The following PCLO variants were observed in gnomAD, a reference collection of about 807,000 sequenced individuals.
PCLO encodes the protein piccolo presynaptic cytomatrix protein, also known as protein piccolo.
PCLO carries 82 observed loss-of-function variants against 427.5 expected under a neutral mutation model. That is an observed-to-expected ratio of 0.19 (90% CI 0.16 to 0.23). The LOEUF (loss-of-function observed/expected upper bound fraction) is 0.23. PCLO is among the 10% of genes least tolerant of loss of function. PCLO has a pLI of 1.00. For missense variants in PCLO, 6,239 were observed against 6,115.9 expected (o/e 1.02, Z -0.67); for synonymous variants, 2,357 against 2,155.4 (o/e 1.09, Z -2.59).
At chr7:82,902,792 G>T in intron 8 of PCLO, 51 bp from the exon 9 acceptor site, 1 of 860,838 alleles carries the variant, frequency 1.2e-6, no homozygotes, top group Non-Finnish European at 2.0e-6. Flanking sequence ...GACACTTAAA[G>T]TGCAATATAC....
intron 3 of PCLO, among the ~76,000 whole-genome samples, chr7:83,050,208 G>GAAAAAAAAAAAAAAAAAAAAAAAAA (rs556193471): frequency 3.7e-4 from 2 of 5,456 alleles, no homozygotes; most frequent in Non-Finnish European, 7.2e-4. Context: ...CTGAAAAACT[G>GAAAAAAAAAAAAAAAAAAAAAAAAA]AAAAAAAAAA....
At position 82,951,942 on chromosome 7, in the gene PCLO, T is replaced by G. The variant is rs775930899; in HGVS notation, c.9011A>C (p.His3004Pro). Residue 3004 changes from histidine to proline, a missense_variant, in exon 5 of 25, where the codon CAT becomes CCT. Physicochemically the swap from His to Pro is moderately conservative, Grantham distance 77. This residue lies in a region of PCLO where 4,677 missense variants were observed against 4,468.4 expected (regional missense o/e 1.05). Coordinates refer to ENST00000333891, the MANE Select transcript of PCLO (RefSeq NM_033026.6). ...AGCATTCTTACTTTTATAGAAAAAA[T>G]GTCCAGCTTCTGCTAAATTTGTGTC... ...MSDTNLAEAG[H>P]FFYKSKNAFD... 3.1e-6 allele frequency: 5 copies of G among 1,613,894 alleles called. No homozygotes were observed. In the East Asian group the frequency reaches 1.1e-4, roughly 36 times the overall value.
chr7:82,939,960 C>T lies in PCLO; in HGVS notation c.11112+9516G>A, dbSNP rs115847188. Among the ~76,000 whole-genome samples the T allele has an allele frequency of 9.4e-3, 1,422 of 151,966 alleles. 19 individuals carry two copies. Among genetic ancestry groups the T allele is most frequent in the African/African-American group, 0.032 (1,329 of 41,482 alleles). ...ATGGTAAATTAAATTAAATCAAGGA[C>T]AAGAAATACTTTATGCAGTCCTCTA... On this transcript the variant is annotated intron_variant, in intron 6 of 24. Coordinates refer to ENST00000333891, the MANE Select transcript of PCLO (RefSeq NM_033026.6).
At chr7:83,145,929 C>T (rs1057106928) in intron 2 of PCLO, among the ~76,000 whole-genome samples, 1 of 152,212 alleles carries the variant, frequency 6.6e-6, no homozygotes, top group East Asian at 1.9e-4. Flanking sequence ...TCCAAAGCAC[C>T]ATCTTATGAT....
intron 3 of PCLO, among the ~76,000 whole-genome samples, chr7:83,042,755 G>A (rs1789002988): frequency 6.6e-6 from 1 of 152,044 alleles, no homozygotes; most frequent in Non-Finnish European, 1.5e-5. Flanking sequence ...CCAACTACTC[G>A]GGAGGCTGAG....
chr7:82,779,078 T>G (rs1790815422), intron 22 of PCLO, among the ~76,000 whole-genome samples: 1 of 152,168 alleles, frequency 6.6e-6, no homozygotes, highest in African/African-American at 2.4e-5. Flanking sequence ...TGACATACTG[T>G]ATTCACGTCT....
intron 3 of PCLO, among the ~76,000 whole-genome samples, chr7:83,101,094 T>G (rs1362204567): frequency 6.6e-6 from 1 of 151,966 alleles, no homozygotes; most frequent in African/African-American, 2.4e-5. Flanking sequence ...TGATTAACAA[T>G]AGATTTTTCC....
intron 24 of PCLO, among the ~76,000 whole-genome samples, chr7:82,759,704 A>G (rs891471836): frequency 1.3e-5 from 2 of 151,940 alleles, no homozygotes; most frequent in Non-Finnish European, 2.9e-5. Flanking sequence ...TCAAACCTTT[A>G]ATTTCCTGTA....
Position 82,956,083 on chromosome 7 carries a change from C to G in PCLO, c.4870G>C (p.Gly1624Arg). 1 of 1,611,740 alleles carries G rather than the reference C, an allele frequency of 6.2e-7. No homozygotes were observed. The highest frequency in any genetic ancestry group is 1.1e-5 in the South Asian group (1 of 91,084). ...KSSTSIDEDA[G>R]RRHSWHDEDD... ...TCATCATGCCATGAGTGACGTCTTCCTGCATCTTCATCAATGCTTGTGCTA... is the reference window on the plus strand; with the variant it reads ...TCATCATGCCATGAGTGACGTCTTCGTGCATCTTCATCAATGCTTGTGCTA... The change falls in exon 5 of 25, where the codon GGA becomes CGA. Residue 1624 changes from glycine to arginine, a missense_variant. Coordinates refer to ENST00000333891, the MANE Select transcript of PCLO (RefSeq NM_033026.6).
intron 9 of PCLO, among the ~76,000 whole-genome samples, chr7:82,890,253 G>T (rs1330174030): frequency 6.6e-6 from 1 of 151,742 alleles, no homozygotes; most frequent in Non-Finnish European, 1.5e-5. Flanking sequence ...ATATTCCATT[G>T]GTAAAATTAT....
At chr7:83,027,195 T>G (rs76430732) in intron 3 of PCLO, among the ~76,000 whole-genome samples, 1 of 137,204 alleles carries the variant, frequency 7.3e-6, no homozygotes, top group Non-Finnish European at 1.6e-5. Flanking sequence ...TCAACAAAAT[T>G]GATAGACTGC....
At chr7:83,019,887 CAA>C (rs1788299799) in intron 3 of PCLO, among the ~76,000 whole-genome samples, 2 of 151,970 alleles carry the variant, frequency 1.3e-5, no homozygotes, top group African/African-American at 4.8e-5. Flanking sequence ...TGTCTTATTT[CAA>C]AAGAGGCAGA....
chr7:83,075,487 G>A (rs2116373441), intron 3 of PCLO, among the ~76,000 whole-genome samples: 1 of 152,222 alleles, frequency 6.6e-6, no homozygotes, highest in South Asian at 2.1e-4. Flanking sequence ...CAAAATGACT[G>A]CAGTAAAGAT....
intron 4 of PCLO, among the ~76,000 whole-genome samples, chr7:82,960,365 A>G (rs1302215311): frequency 1.3e-5 from 2 of 152,172 alleles, no homozygotes; most frequent in Non-Finnish European, 2.9e-5. Flanking sequence ...CCTCCTCACT[A>G]CAGAAAACAT....
chr7:83,137,724 C>T lies in PCLO; in HGVS notation c.1894-2068G>A, dbSNP rs183060999. 7.1e-3 allele frequency among the ~76,000 whole-genome samples: 1,083 copies of T among 152,284 alleles called. 7 individuals carry two copies. Among genetic ancestry groups the T allele is most frequent in the South Asian group, 0.014 (67 of 4,826 alleles). On this transcript the variant is annotated intron_variant, in intron 2 of 24. Coordinates refer to ENST00000333891, the MANE Select transcript of PCLO (RefSeq NM_033026.6). Reference sequence around the variant, plus strand: ...GGGATTACACAGGCATGAGCCACCACGCCCGGCCATGGATATTCATTATAT... The same window carrying T: ...GGGATTACACAGGCATGAGCCACCATGCCCGGCCATGGATATTCATTATAT...
chr7:83,029,875 A>G (rs13223099), intron 3 of PCLO, among the ~76,000 whole-genome samples: 1 of 147,410 alleles, frequency 6.8e-6, no homozygotes, highest in Non-Finnish European at 1.5e-5. Context: ...AAAACCAAAC[A>G]CCGCATATTC....
chr7:82,819,463 A>G (rs896099816), intron 20 of PCLO, among the ~76,000 whole-genome samples: 2 of 128,686 alleles, frequency 1.6e-5, no homozygotes, highest in Admixed American at 1.7e-4. Context: ...TTACTGTGAA[A>G]TTTATAATTG....
intron 3 of PCLO, among the ~76,000 whole-genome samples, chr7:83,044,314 C>T (rs1255871262): frequency 6.6e-6 from 1 of 152,082 alleles, no homozygotes; most frequent in Non-Finnish European, 1.5e-5. Flanking sequence ...AGACACAGAG[C>T]CAAACCATAT....
At chr7:83,040,455 G>A (rs375152038) in intron 3 of PCLO, among the ~76,000 whole-genome samples, 186 of 152,208 alleles carry the variant, frequency 1.2e-3, no homozygotes, top group Non-Finnish European at 2.2e-3. Flanking sequence ...TTTCAACAAC[G>A]TCCTGGGGCA....
Sources: allele counts gnomAD v4.1 joint callset (sites outside exome capture counted in the v4.1 genomes callset), GRCh38; gene constraint gnomAD v4.1.1; regional missense constraint gnomAD v4.1.1; transcripts MANE v1.5; gene names NCBI Gene and HGNC (gene_info 2026-07-23, HGNC 2026-07-21).